SGK3: variants seen among roughly 807,000 people sequenced by gnomAD.
The protein encoded by SGK3 is serine/threonine-protein kinase Sgk3.
Under a neutral mutation model 68.5 loss-of-function variants are expected in SGK3, and 47 were observed. The observed-to-expected ratio is 0.69, with a 90% CI of 0.54 to 0.87. SGK3 has a LOEUF of 0.87. Ranked by LOEUF, SGK3 falls within the 40% of genes least tolerant of loss-of-function variation. The pLI, the probability that SGK3 is intolerant of heterozygous loss-of-function variation, is 0.00. For missense variants in SGK3, 479 were observed against 575.5 expected (o/e 0.83, Z 1.72); for synonymous variants, 181 against 189.1 (o/e 0.96, Z 0.35).
At chr8:66,812,514 C>T (rs1021343051) in intron 4 of SGK3, among the ~76,000 whole-genome samples, 2 of 151,354 alleles carry the variant, frequency 1.3e-5, no homozygotes, top group African/African-American at 2.4e-5. Context: ...GCTGAGATCG[C>T]GCCACTGCAC....
intron 8 of SGK3, 51 bp downstream of exon 8, chr8:66,831,362 T>C (rs1013364156): frequency 2.3e-5 from 37 of 1,605,018 alleles, no homozygotes; most frequent in Non-Finnish European, 3.1e-5. Context: ...GGTTTTTTTT[T>C]TGGAGACAGG....
intron 3 of SGK3, among the ~76,000 whole-genome samples, chr8:66,801,655 C>CTT (rs1280770690): frequency 3.3e-5 from 5 of 149,994 alleles, no homozygotes; most frequent in East Asian, 1.9e-4. Context: ...TTCCCTCTCT[C>CTT]TTTCTCTCTC....
intron 1 of SGK3, among the ~76,000 whole-genome samples, chr8:66,737,901 C>T (rs941378701): frequency 3.9e-5 from 6 of 152,078 alleles, no homozygotes; most frequent in African/African-American, 1.4e-4. Flanking sequence ...TAGGCATGAG[C>T]CACCGCACCC....
intron 7 of SGK3, 69 bp downstream of exon 7, chr8:66,828,772 A>T: frequency 1.3e-6 from 2 of 1,559,054 alleles, no homozygotes; most frequent in South Asian, 2.2e-5. Flanking sequence ...GCGTATGCAG[A>T]TATGTATAAT....
At chr8:66,792,067 C>T (rs193047319) in intron 1 of SGK3, among the ~76,000 whole-genome samples, 172 of 152,274 alleles carry the variant, frequency 1.1e-3, no homozygotes, top group African/African-American at 4.0e-3. Flanking sequence ...CAGTGGTTCA[C>T]GCCTGTAATC....
rs531169912 is a variant in SGK3 at position 66,861,905 on chromosome 8, A to G, written c.*2324A>G. 1.3e-5 allele frequency: 2 copies of G among 152,324 alleles called. No individual in the cohort carries two copies. The highest frequency in any genetic ancestry group is 6.5e-5 in the Admixed American group (1 of 15,296). 9.4% of individuals were successfully genotyped at this position (152,324 alleles called of 1,614,324 possible). ...CTCATTCATTCCTGTTAAGCTGCCA[A>G]AAATTAAAGTGCAATATTGTATATT... is the stretch of plus-strand genomic sequence containing the variant. On this transcript the variant is annotated 3_prime_UTR_variant, in exon 17 of 17. Transcript: ENST00000521198.
intron 1 of SGK3, among the ~76,000 whole-genome samples, chr8:66,748,461 T>C (rs1480634696): frequency 6.6e-6 from 1 of 152,174 alleles, no homozygotes; most frequent in East Asian, 1.9e-4. Context: ...TTTATAAATA[T>C]GTCAAGCCTT....
intron 1 of SGK3, among the ~76,000 whole-genome samples, chr8:66,789,114 T>C (rs1272983678): frequency 6.6e-6 from 1 of 150,534 alleles, no homozygotes; most frequent in Non-Finnish European, 1.5e-5. Context: ...ATTATGCTAA[T>C]TTTATTCAGA....
rs745926946 is a variant in SGK3, at chr8:66,841,013, G to A, written c.892-11G>A. The A allele has an allele frequency of 1.5e-5, 24 of 1,566,026 alleles. No individual in the cohort carries two copies. The highest frequency in any genetic ancestry group is 2.1e-5 in the Non-Finnish European group (24 of 1,160,864). Reference sequence around the variant, plus strand: ...TGCATTGTTTTATCTTACTGCCCCTGTATTTGTCAGGGACATGTTGTCTTA... The same window carrying A: ...TGCATTGTTTTATCTTACTGCCCCTATATTTGTCAGGGACATGTTGTCTTA... On this transcript the variant is annotated splice_polypyrimidine_tract_variant and intron_variant, in intron 12 of 16. Coordinates refer to ENST00000521198, the MANE Select transcript of SGK3 (RefSeq NM_001033578.3).
intron 1 of SGK3, among the ~76,000 whole-genome samples, chr8:66,780,149 A>G (rs1011159292): frequency 6.6e-6 from 1 of 152,340 alleles, no homozygotes. Flanking sequence ...ATACCATAGC[A>G]TATTAGTACA....
chr8:66,844,655 C>T (rs946959991), intron 14 of SGK3, among the ~76,000 whole-genome samples: 5 of 152,188 alleles, frequency 3.3e-5, no homozygotes, highest in African/African-American at 4.8e-5. Flanking sequence ...GAACCATGTG[C>T]GAATCCCTGA....
chr8:66,820,140 T>A (rs994303339), intron 5 of SGK3, among the ~76,000 whole-genome samples: 9 of 152,166 alleles, frequency 5.9e-5, no homozygotes, highest in Non-Finnish European at 1.3e-4. Flanking sequence ...GTATTCACGA[T>A]GCTTTACAAC....
intron 3 of SGK3, among the ~76,000 whole-genome samples, chr8:66,802,901 A>T (rs1240123447): frequency 6.6e-6 from 1 of 152,208 alleles, no homozygotes; most frequent in African/African-American, 2.4e-5. Flanking sequence ...ATCCCTAGCC[A>T]GCCCACCAGC....
intron 4 of SGK3, among the ~76,000 whole-genome samples, chr8:66,806,223 G>T (rs1360133204): frequency 6.6e-6 from 1 of 151,188 alleles, no homozygotes; most frequent in African/African-American, 2.4e-5. Flanking sequence ...GGAGTATATA[G>T]CACATTTCAT....
chr8:66,758,638 T>A (rs573528319), intron 1 of SGK3, among the ~76,000 whole-genome samples: 2 of 152,270 alleles, frequency 1.3e-5, no homozygotes, highest in East Asian at 3.9e-4. Flanking sequence ...CTTGGCTAAG[T>A]AGTAGCTTCT....
intron 1 of SGK3, among the ~76,000 whole-genome samples, chr8:66,773,453 T>C (rs767188016): frequency 3.3e-5 from 5 of 152,226 alleles, no homozygotes; most frequent in Non-Finnish European, 5.9e-5. Context: ...TCCCTGAAAC[T>C]GCAGATAGTA....
chr8:66,776,885 T>TG (rs1806733062), intron 1 of SGK3, among the ~76,000 whole-genome samples: 1 of 152,234 alleles, frequency 6.6e-6, no homozygotes, highest in Non-Finnish European at 1.5e-5. Flanking sequence ...TAATGTGCTT[T>TG]GGTTTTGTCC....
intron 1 of SGK3, among the ~76,000 whole-genome samples, chr8:66,777,352 C>T (rs1460282451): frequency 6.6e-6 from 1 of 152,196 alleles, no homozygotes; most frequent in Non-Finnish European, 1.5e-5. Flanking sequence ...ACTGTTGTAT[C>T]CTAAGTGCTT....
At chr8:66,736,980 G>C (rs1805336136) in intron 1 of SGK3, among the ~76,000 whole-genome samples, 1 of 151,758 alleles carries the variant, frequency 6.6e-6, no homozygotes, top group African/African-American at 2.4e-5. Flanking sequence ...GCCTTGCTAT[G>C]TTCCCCAGGC....
Sources: allele counts gnomAD v4.1 joint callset (sites outside exome capture counted in the v4.1 genomes callset), GRCh38; gene constraint gnomAD v4.1.1; transcripts MANE v1.5; gene names NCBI Gene and HGNC (gene_info 2026-07-23, HGNC 2026-07-21).